Variants in NOS1AP observed in about 807,000 individuals in gnomAD.
NOS1AP encodes carboxyl-terminal PDZ ligand of neuronal nitric oxide synthase protein.
Under a neutral mutation model 56.2 loss-of-function variants are expected in NOS1AP, and 21 were observed. The observed-to-expected ratio is 0.37, with a 90% CI of 0.26 to 0.54. NOS1AP has a LOEUF of 0.54. Ranked by LOEUF, NOS1AP falls within the 20% of genes least tolerant of loss-of-function variation. The probability of loss-of-function intolerance (pLI) is 0.84; values close to 1 mark genes in which losing one functional copy is unlikely to be tolerated. For missense variants in NOS1AP, 522 were observed against 657.8 expected, an observed-to-expected ratio of 0.79 and a Z score of 2.26; for synonymous variants, 270 against 274.6, an observed-to-expected ratio of 0.98 and a Z score of 0.17.
intron 2 of NOS1AP, among the ~76,000 whole-genome samples, chr1:162,197,001 T>A (rs573039224): frequency 5.8e-4 from 88 of 152,336 alleles, no homozygotes; most frequent in Non-Finnish European, 6.8e-4. Context: ...GTGGTTCGAA[T>A]AGAGTTTGTC....
intron 1 of NOS1AP, among the ~76,000 whole-genome samples, chr1:162,146,357 T>A (rs1043852342): frequency 1.3e-5 from 2 of 152,238 alleles, no homozygotes; most frequent in African/African-American, 4.8e-5. Context: ...CCCCTTCTGC[T>A]GGTTTCCTTG....
At position 162,287,547 on chromosome 1, in the gene NOS1AP, C is replaced by G. The variant is rs2101737897; in HGVS notation, c.270+111C>G. 3.8e-6 allele frequency: 3 copies of G among 791,344 alleles called. No homozygotes were observed. The East Asian group carries it at 7.5e-5, about 20-fold the overall frequency. The allele number at this position is 791,344 out of a possible 1,614,324, so 49.0% of individuals were successfully genotyped here. A position where few individuals can be genotyped will look rare whatever the true frequency, so the allele number is the denominator to read the frequency against. Reference sequence around the variant, plus strand: ...CAGAGAGAATCCCTCCCTTATCTGGCAAGCTCTTCTGCTTTGAGCAGCAAT... The same window carrying G: ...CAGAGAGAATCCCTCCCTTATCTGGGAAGCTCTTCTGCTTTGAGCAGCAAT... On this transcript the variant is annotated intron_variant, in intron 3 of 9. Transcript: ENST00000361897.
chr1:162,120,396 G>T (rs1648158380), intron 1 of NOS1AP, among the ~76,000 whole-genome samples: 1 of 152,160 alleles, frequency 6.6e-6, no homozygotes, highest in Admixed American at 6.5e-5. Context: ...AACAAGGAAA[G>T]AATTGGGAAC....
chr1:162,121,157 GA>G (rs958944346), intron 1 of NOS1AP, among the ~76,000 whole-genome samples: 1 of 148,036 alleles, frequency 6.8e-6, no homozygotes, highest in African/African-American at 2.5e-5. Flanking sequence ...GACTTGGAGA[GA>G]ATTTTTTTTT....
chr1:162,329,662 T>G (rs1656704123), intron 4 of NOS1AP, among the ~76,000 whole-genome samples: 1 of 152,166 alleles, frequency 6.6e-6, no homozygotes, highest in South Asian at 2.1e-4. Context: ...ACAATCACAG[T>G]GCTTAAGAAA....
At chr1:162,171,668 T>A (rs934839448) in intron 2 of NOS1AP, among the ~76,000 whole-genome samples, 6 of 152,162 alleles carry the variant, frequency 3.9e-5, no homozygotes, top group Non-Finnish European at 7.3e-5. Context: ...GCCCTCACCC[T>A]TTATTAAGGT....
chr1:162,130,501 C>T (rs984577451), intron 1 of NOS1AP, among the ~76,000 whole-genome samples: 27 of 152,176 alleles, frequency 1.8e-4, no homozygotes, highest in African/African-American at 6.5e-4. Flanking sequence ...CAGGCAGTAT[C>T]CCTGTGACTA....
chr1:162,165,363 C>G (rs541137828), intron 2 of NOS1AP, among the ~76,000 whole-genome samples: 4 of 152,122 alleles, frequency 2.6e-5, no homozygotes, highest in Non-Finnish European at 5.9e-5. Flanking sequence ...CATTGTTGTT[C>G]TTATCAACAT....
At chr1:162,220,536 A>G (rs1448617487) in intron 2 of NOS1AP, among the ~76,000 whole-genome samples, 1 of 152,166 alleles carries the variant, frequency 6.6e-6, no homozygotes, top group East Asian at 1.9e-4. Context: ...TTTATAAAAT[A>G]CCCAAATTGC....
intron 4 of NOS1AP, among the ~76,000 whole-genome samples, chr1:162,321,730 A>AT (rs1553205794): frequency 0.018 from 2,336 of 133,018 alleles, 49 homozygotes; most frequent in African/African-American, 0.055. Flanking sequence ...AAAAAAAAAA[A>AT]AATATATATA....
At chr1:162,235,846 T>C (rs145553846) in intron 2 of NOS1AP, among the ~76,000 whole-genome samples, 3 of 152,306 alleles carry the variant, frequency 2.0e-5, no homozygotes, top group Admixed American at 2.0e-4. Context: ...CATCCATGTG[T>C]TTAGATCATT....
intron 4 of NOS1AP, among the ~76,000 whole-genome samples, chr1:162,301,675 G>A (rs1420705485): frequency 6.6e-6 from 1 of 152,176 alleles, no homozygotes; most frequent in Non-Finnish European, 1.5e-5. Context: ...TCGAGTCATG[G>A]GTGTCATTCT....
chr1:162,131,627 A>C (rs985633646), intron 1 of NOS1AP, among the ~76,000 whole-genome samples: 6 of 152,000 alleles, frequency 3.9e-5, no homozygotes, highest in African/African-American at 1.4e-4. Flanking sequence ...GGGAGGTTGG[A>C]AAGTATTCAA....
chr1:162,081,057 A>T (rs1033797649), intron 1 of NOS1AP, among the ~76,000 whole-genome samples: 2 of 152,176 alleles, frequency 1.3e-5, no homozygotes, highest in Non-Finnish European at 2.9e-5. Flanking sequence ...CTTGTGCTGT[A>T]TGTCATTCAA....
intron 6 of NOS1AP, among the ~76,000 whole-genome samples, chr1:162,344,277 A>G (rs144852043): frequency 6.6e-6 from 1 of 152,304 alleles, no homozygotes; most frequent in Non-Finnish European, 1.5e-5. Context: ...CCCATAAAAC[A>G]AATTAGAAAG....
chr1:162,102,910 G>T (rs752361254), intron 1 of NOS1AP, among the ~76,000 whole-genome samples: 5 of 151,630 alleles, frequency 3.3e-5, no homozygotes, highest in Non-Finnish European at 7.4e-5. Context: ...TTGTTTGAAG[G>T]TTTTTTTTGT....
chr1:162,080,353 C>G (rs189102864), intron 1 of NOS1AP, among the ~76,000 whole-genome samples: 3 of 152,300 alleles, frequency 2.0e-5, no homozygotes, highest in Admixed American at 1.3e-4. Flanking sequence ...TGTCTTACCC[C>G]TTTATGGTCC....
chr1:162,271,160 GTTC>G (rs747786173), intron 2 of NOS1AP, among the ~76,000 whole-genome samples: 2 of 152,072 alleles, frequency 1.3e-5, no homozygotes, highest in African/African-American at 2.4e-5. Flanking sequence ...TGCAGTTTTT[GTTC>G]TTCTTCCCTC....
intron 2 of NOS1AP, among the ~76,000 whole-genome samples, chr1:162,211,658 T>C (rs1199485268): frequency 6.6e-6 from 1 of 152,194 alleles, no homozygotes; most frequent in Non-Finnish European, 1.5e-5. Context: ...TACCTTCCTG[T>C]CCGAACTCTT....
Sources: gnomAD v4.1 joint callset for allele counts (sites outside exome capture counted in the v4.1 genomes callset) on GRCh38, gnomAD v4.1.1 for gene constraint, MANE v1.5 for transcripts, NCBI Gene and HGNC (gene_info 2026-07-23, HGNC 2026-07-21) for gene names.